The following PHOSPHO1 variants were observed in gnomAD, a reference collection of about 807,000 sequenced individuals.
The protein encoded by PHOSPHO1 is phosphoethanolamine/phosphocholine phosphatase.
PHOSPHO1 carries 6 observed loss-of-function variants against 17.7 expected under a neutral mutation model. The observed-to-expected ratio is 0.34, with a 90% CI of 0.19 to 0.67. The LOEUF is 0.67. PHOSPHO1 is among the 30% of genes least tolerant of loss of function. The pLI is 0.69. For missense variants in PHOSPHO1, 330 were observed against 392.1 expected (o/e 0.84, Z 1.34); for synonymous variants, 159 against 174.6 (o/e 0.91, Z 0.71).
Position 49,224,876 on chromosome 17 carries a change from G to A in PHOSPHO1, c.174C>T (p.Ser58=), listed in dbSNP as rs1157855005. Residue 58 remains serine, a synonymous_variant, in exon 3 of 3, where the codon AGC becomes AGT. Transcript: ENST00000310544. ...RAAPGQRLPE[S]LRATYREGFY... Reference sequence around the variant, plus strand: ...AGCCCTCGCGGTAGGTGGCTCGCAGGCTCTCCGGGAGCCGCTGGCCCGGCG... The same window carrying A: ...AGCCCTCGCGGTAGGTGGCTCGCAGACTCTCCGGGAGCCGCTGGCCCGGCG... 2.5e-6 allele frequency: 4 copies of A among 1,605,148 alleles called. No individual in the cohort carries two copies. Among genetic ancestry groups the A allele is most frequent in the Non-Finnish European group, 3.4e-6 (4 of 1,176,728 alleles).
chr17:49,225,092 G>A (rs1221144823), intron 2 of PHOSPHO1, 88 bp from the exon 3 acceptor site: 2 of 1,443,974 alleles, frequency 1.4e-6, no homozygotes, highest in Non-Finnish European at 1.8e-6. Flanking sequence ...GGAGAGGCTG[G>A]TTAGCGGGCC....
At chr17:49,228,143 T>A (rs1387393359) in intron 1 of PHOSPHO1, among the ~76,000 whole-genome samples, 1 of 151,810 alleles carries the variant, frequency 6.6e-6, no homozygotes, top group Non-Finnish European at 1.5e-5. Context: ...AAGCAAGGGG[T>A]AGATACAAAG....
chr17:49,224,194 T>C lies in PHOSPHO1; in HGVS notation c.*52A>G. The stretch of plus-strand genomic sequence containing the variant: ...TAAAGCTGTCTTTGCCGAATCTCCC[T>C]TCCCCGCCCCCTCCGCCGTTGGCCC... On this transcript the variant is annotated 3_prime_UTR_variant, in exon 3 of 3. Transcript: ENST00000310544. The C allele has an allele frequency of 1.3e-6, 2 of 1,493,556 alleles. No homozygotes were observed. The allele number at this position is 1,493,556 out of a possible 1,614,324, so 92.5% of individuals were successfully genotyped here.
In PHOSPHO1 at chr17:49,223,854, TGGA is replaced by T. The variant is rs983995434; in HGVS notation, c.*389_*391del. 1 of 186,744 alleles carries T rather than the reference TGGA, an allele frequency of 5.4e-6. No homozygotes were observed. The highest frequency in any genetic ancestry group is 5.8e-5 in the Admixed American group (1 of 17,220). 11.6% of individuals were successfully genotyped at this position (186,744 alleles called of 1,614,324 possible). On this transcript the variant is annotated 3_prime_UTR_variant, in exon 3 of 3. Transcript: ENST00000310544. ...ATCCTGGGTTCCCTCCACAGTAGACTGGAGGAGGGGCGGTCACGCAGCCCGAGG... is the reference window on the plus strand; with the variant it reads ...ATCCTGGGTTCCCTCCACAGTAGACTGGAGGGGCGGTCACGCAGCCCGAGG...
rs2043322443 is a variant in PHOSPHO1, at chr17:49,224,113, C to G, written c.*133G>C. On this transcript the variant is annotated 3_prime_UTR_variant, in exon 3 of 3. Coordinates refer to ENST00000310544, the MANE Select transcript of PHOSPHO1 (RefSeq NM_178500.4). ...GCCCCCTTCCCCAAGCCCCCAAATACGAGATTCCAGAAATTCCCAGAGGGA... is the reference window on the plus strand; with the variant it reads ...GCCCCCTTCCCCAAGCCCCCAAATAGGAGATTCCAGAAATTCCCAGAGGGA... 1 of 1,324,716 alleles carries G rather than the reference C, an allele frequency of 7.5e-7. No individual in the cohort carries two copies. Among genetic ancestry groups the G allele is most frequent in the Admixed American group, 2.9e-5 (1 of 34,546 alleles). 82.1% of individuals were successfully genotyped at this position (1,324,716 alleles called of 1,614,324 possible). A position where few individuals can be genotyped will look rare whatever the true frequency, so the allele number is the denominator to read the frequency against.
Position 49,226,627 on chromosome 17 carries a change from C to T in PHOSPHO1, c.45+20G>A. 6.2e-7 allele frequency: 1 copy of T among 1,613,722 alleles called. No individual in the cohort carries two copies. Among genetic ancestry groups the T allele is most frequent in the South Asian group, 1.1e-5 (1 of 91,068 alleles). ...GGGCTGAGGCCTCATCCTAGGAGAC[C>T]CCTGGAGGGACCCACTTACCCTAGA... On this transcript the variant is annotated intron_variant, in intron 2 of 2. Coordinates refer to ENST00000310544, the MANE Select transcript of PHOSPHO1 (RefSeq NM_178500.4).
At chr17:49,226,086 A>G (rs184464468) in intron 2 of PHOSPHO1, among the ~76,000 whole-genome samples, 33 of 152,154 alleles carry the variant, frequency 2.2e-4, no homozygotes. Context: ...GGAGGCAGCA[A>G]GAGCCCTTGG....
Position 49,224,631 on chromosome 17 carries a change from C to A in PHOSPHO1, c.419G>T (p.Ser140Ile), listed in dbSNP as rs1016698600. 6.3e-7 allele frequency: 1 copy of A among 1,582,862 alleles called. No individual in the cohort carries two copies. Among genetic ancestry groups the A allele is most frequent in the South Asian group, 1.1e-5 (1 of 88,128 alleles). Residue 140 changes from serine (S) to isoleucine (I), a missense_variant, in exon 3 of 3, where the codon AGC becomes ATC. By Grantham distance (142) the Ser-to-Ile change is moderately radical. Coordinates refer to ENST00000310544, the MANE Select transcript of PHOSPHO1 (RefSeq NM_178500.4). ...GTTGCTGAGGATGCGGCGGAACAGG[C>A]TGTGGTGGCCGGCGGCGCGCAGCGA... ...ESSLRAAGHH[S>I]LFRRILSNPS...
At position 49,224,647 on chromosome 17, in the gene PHOSPHO1, C is replaced by A. The variant is rs1169599648; in HGVS notation, c.403G>T (p.Ala135Ser). 1 of 1,583,506 alleles carries A rather than the reference C, an allele frequency of 6.3e-7. No individual in the cohort carries two copies. Among genetic ancestry groups the A allele is most frequent in the Admixed American group, 1.8e-5 (1 of 56,920 alleles). The change falls in exon 3 of 3, where the codon GCC becomes TCC. Residue 135 changes from alanine (A) to serine (S), a missense_variant. Ala to Ser is a moderately conservative substitution (Grantham distance 99). Coordinates refer to ENST00000310544, the MANE Select transcript of PHOSPHO1 (RefSeq NM_178500.4). ...NTFGVESSLR[A>S]AGHHSLFRRI... ...CGGAACAGGCTGTGGTGGCCGGCGG[C>A]GCGCAGCGAGCTCTCCACGCCAAAG...
chr17:49,226,629 C>T lies in PHOSPHO1; in HGVS notation c.45+18G>A. 2 of 1,613,904 alleles carry T rather than the reference C, an allele frequency of 1.2e-6. No individual in the cohort carries two copies. Among genetic ancestry groups the T allele is most frequent in the Non-Finnish European group, 1.7e-6 (2 of 1,179,830 alleles). ...GCTGAGGCCTCATCCTAGGAGACCC[C>T]TGGAGGGACCCACTTACCCTAGATA... On this transcript the variant is annotated intron_variant, in intron 2 of 2. Coordinates refer to ENST00000310544, the MANE Select transcript of PHOSPHO1 (RefSeq NM_178500.4).
chr17:49,228,274 TTCCTTCCTTCCTTCCTTCCTTCC>T (rs879577212), intron 1 of PHOSPHO1, among the ~76,000 whole-genome samples: 4,718 of 105,352 alleles, frequency 0.045, 108 homozygotes, highest in Middle Eastern at 0.085. Flanking sequence ...CCTTCCTTCC[TTCCTTCCTTCCTTCCTTCCTTCC>T]TCCTTCCTTC....
At chr17:49,229,388 T>A (rs2143574316) in intron 1 of PHOSPHO1, among the ~76,000 whole-genome samples, 1 of 151,750 alleles carries the variant, frequency 6.6e-6, no homozygotes, top group Non-Finnish European at 1.5e-5. Flanking sequence ...TTGCAGGGAG[T>A]CCATATTCTA....
At chr17:49,225,763 C>A in intron 2 of PHOSPHO1, 1 of 1,269,240 alleles carries the variant, frequency 7.9e-7, no homozygotes, top group Admixed American at 2.5e-5. Context: ...CCTCCCGCAC[C>A]AGGCCATGAC....
Position 49,230,707 on chromosome 17 carries a change from C to A in PHOSPHO1, c.-307G>T. ...TCCCCTCCACTTGCCCCTCATCCCC[C>A]CCGGGCAGCCGCCGCGTCCCCTTTA... On this transcript the variant is annotated 5_prime_UTR_variant, in exon 1 of 3. Transcript: ENST00000310544. 6.5e-6 allele frequency: 1 copy of A among 154,226 alleles called. No individual in the cohort carries two copies. Among genetic ancestry groups the A allele is most frequent in the South Asian group, 1.7e-4 (1 of 5,802 alleles). The allele number at this position is 154,226 out of a possible 1,614,324, so 9.6% of individuals were successfully genotyped here.
rs766851900 is a variant in PHOSPHO1 at position 49,224,909 on chromosome 17, C to T, written c.141G>A (p.Val47=). 1.6e-5 allele frequency: 26 copies of T among 1,599,600 alleles called. No individual in the cohort carries two copies. The highest frequency in any genetic ancestry group is 2.0e-5 in the Non-Finnish European group (23 of 1,174,284). ...IVDENSDDSI[V]RAAPGQRLPE... The stretch of plus-strand genomic sequence containing the variant: ...GGAGCCGCTGGCCCGGCGCGGCGCG[C>T]ACGATCGAATCGTCGCTGTTTTCGT... The change falls in exon 3 of 3, where the codon GTG becomes GTA. Residue 47 remains valine, a synonymous_variant. Coordinates refer to ENST00000310544, the MANE Select transcript of PHOSPHO1 (RefSeq NM_178500.4).
chr17:49,226,868 G>A (rs2043363043), intron 1 of PHOSPHO1, 110 bp from the exon 2 acceptor site: 2 of 666,912 alleles, frequency 3.0e-6, no homozygotes, highest in East Asian at 2.8e-5. Flanking sequence ...GGCATTCCCA[G>A]GGTCTTAGCA....
At position 49,224,473 on chromosome 17, in the gene PHOSPHO1, C is replaced by A. The variant is rs769652485; in HGVS notation, c.577G>T (p.Val193Leu). The change falls in exon 3 of 3, where the codon GTG (valine) becomes TTG (leucine). Residue 193 changes from valine to leucine, a missense_variant. Transcript: ENST00000310544. ...ACGTAGAAGAGGCGCTCGAAGTGCA[C>A]GCCGTCGTGGGCCCGCTCGCGCAGG... ...DYLRERAHDG[V>L]HFERLFYVGD... 8 of 1,564,888 alleles carry A rather than the reference C, an allele frequency of 5.1e-6. No individual in the cohort carries two copies. The Middle Eastern group carries it at 1.2e-3, about 228-fold the overall frequency.
Position 49,228,739 on chromosome 17 carries a change from G to A in PHOSPHO1, c.-68+1729C>T, listed in dbSNP as rs111769818. On this transcript the variant is annotated intron_variant, in intron 1 of 2. Coordinates refer to ENST00000310544, the MANE Select transcript of PHOSPHO1 (RefSeq NM_178500.4). ...CGGGAGGCGGAACTTGCAGTGAGCC[G>A]AGATTGCGCCATTGCATTCCAGCCT... is the stretch of plus-strand genomic sequence containing the variant. Among the ~76,000 whole-genome samples the A allele has an allele frequency of 3.4e-3, 492 of 145,724 alleles. 4 individuals carry two copies. Among genetic ancestry groups the A allele is most frequent in the African/African-American group, 0.012 (466 of 38,652 alleles).
rs1019340992 is a variant in PHOSPHO1 at position 49,224,043 on chromosome 17, G to C, written c.*203C>G. 3.7e-5 allele frequency: 27 copies of C among 733,240 alleles called. No individual in the cohort carries two copies. Among genetic ancestry groups the C allele is most frequent in the African/African-American group, 1.6e-4 (9 of 55,962 alleles). The allele number at this position is 733,240 out of a possible 1,614,324, so 45.4% of individuals were successfully genotyped here. A position where few individuals can be genotyped will look rare whatever the true frequency, so the allele number is the denominator to read the frequency against. ...CTCAACCGTGCACAGTGGAGTGGGGGAGGCAGCCGAGGTGGGTTAACTGAA... is the reference window on the plus strand; with the variant it reads ...CTCAACCGTGCACAGTGGAGTGGGGCAGGCAGCCGAGGTGGGTTAACTGAA... On this transcript the variant is annotated 3_prime_UTR_variant, in exon 3 of 3. Coordinates refer to ENST00000310544, the MANE Select transcript of PHOSPHO1 (RefSeq NM_178500.4).
Sources: gnomAD v4.1 joint callset for allele counts (sites outside exome capture counted in the v4.1 genomes callset) on GRCh38, gnomAD v4.1.1 for gene constraint, MANE v1.5 for transcripts, NCBI Gene and HGNC (gene_info 2026-07-23, HGNC 2026-07-21) for gene names.